CBFB: variants seen among roughly 807,000 people sequenced by gnomAD.
CBFB encodes the protein core-binding factor subunit beta.
CBFB carries 9 observed loss-of-function variants against 30.4 expected under a neutral mutation model. That is an observed-to-expected ratio of 0.30 (90% CI 0.18 to 0.52). The LOEUF (loss-of-function observed/expected upper bound fraction) is 0.52, where lower values mean the gene tolerates loss of function less well. Ranked by LOEUF, CBFB falls within the 20% of genes least tolerant of loss-of-function variation. The pLI, the probability that CBFB is intolerant of heterozygous loss-of-function variation, is 0.97. For synonymous variants in CBFB, 94 were observed against 84.0 expected, an observed-to-expected ratio of 1.12 and a Z score of -0.65; for missense variants, 170 against 244.0, an observed-to-expected ratio of 0.70 and a Z score of 2.02.
intron 5 of CBFB, among the ~76,000 whole-genome samples, chr16:67,089,759 T>G (rs1961831690): frequency 6.6e-6 from 1 of 152,130 alleles, no homozygotes; most frequent in Non-Finnish European, 1.5e-5. Flanking sequence ...GCACAAGGTT[T>G]TGCATCCCGG....
In CBFB at chr16:67,034,937, A is replaced by G. The variant is rs549278161; in HGVS notation, c.166-1702A>G. Among the ~76,000 whole-genome samples the G allele has an allele frequency of 3.3e-4, 50 of 152,272 alleles. 1 individual carries two copies. In the South Asian group the frequency reaches 9.1e-3, roughly 28 times the overall value. On this transcript the variant is annotated intron_variant, in intron 2 of 5. Transcript: ENST00000412916. The stretch of plus-strand genomic sequence containing the variant: ...TACTTGGTACTGTTTTAAGCACTTT[A>G]CAAATAATTGATTTGTGAGAAAACT...
chr16:67,042,482 G>A (rs1966548420), intron 3 of CBFB, among the ~76,000 whole-genome samples: 1 of 152,136 alleles, frequency 6.6e-6, no homozygotes, highest in Admixed American at 6.5e-5. Flanking sequence ...CCATGTAGAT[G>A]CTACCACAGT....
chr16:67,055,646 A>G (rs1960701075), intron 3 of CBFB, among the ~76,000 whole-genome samples: 1 of 151,272 alleles, frequency 6.6e-6, no homozygotes, highest in South Asian at 2.1e-4. Flanking sequence ...GTGAGCCACC[A>G]CACCCGGCCT....
At chr16:67,043,303 C>A (rs1966563532) in intron 3 of CBFB, among the ~76,000 whole-genome samples, 1 of 152,058 alleles carries the variant, frequency 6.6e-6, no homozygotes. Context: ...ACAAAAAGCT[C>A]TATATTCTCT....
chr16:67,074,246 G>T (rs1183885038), intron 4 of CBFB, among the ~76,000 whole-genome samples: 1 of 147,366 alleles, frequency 6.8e-6, no homozygotes, highest in Non-Finnish European at 1.5e-5. Flanking sequence ...AGGGTGGGGG[G>T]CAGGGGGTAG....
intron 3 of CBFB, among the ~76,000 whole-genome samples, chr16:67,037,645 A>G (rs931943868): frequency 6.6e-6 from 1 of 151,106 alleles, no homozygotes; most frequent in Non-Finnish European, 1.5e-5. Flanking sequence ...GGTCTACGTT[A>G]AATGTATTAT....
At chr16:67,041,728 A>G (rs1966533137) in intron 3 of CBFB, among the ~76,000 whole-genome samples, 1 of 144,038 alleles carries the variant, frequency 6.9e-6, no homozygotes, top group African/African-American at 2.6e-5. Flanking sequence ...AGCGCATGTG[A>G]GGTTGTGGTG....
chr16:67,092,458 C>T (rs1444074824), intron 5 of CBFB, among the ~76,000 whole-genome samples: 3 of 152,022 alleles, frequency 2.0e-5, no homozygotes, highest in Non-Finnish European at 4.4e-5. Flanking sequence ...AGGTCTGATT[C>T]TGTGTTCTGA....
chr16:67,073,758 G>A (rs545155338), intron 4 of CBFB, among the ~76,000 whole-genome samples: 21 of 148,742 alleles, frequency 1.4e-4, no homozygotes, highest in Middle Eastern at 7.9e-3. Flanking sequence ...ACACGAGGCC[G>A]GGCGCAGTGG....
intron 5 of CBFB, among the ~76,000 whole-genome samples, chr16:67,094,823 G>A (rs1186834433): frequency 6.6e-6 from 1 of 152,172 alleles, no homozygotes; most frequent in Non-Finnish European, 1.5e-5. Flanking sequence ...TTGTGACTGT[G>A]TACTATAACC....
At chr16:67,061,903 G>A (rs1162090172) in intron 3 of CBFB, among the ~76,000 whole-genome samples, 2 of 151,820 alleles carry the variant, frequency 1.3e-5, no homozygotes, top group Non-Finnish European at 2.9e-5. Context: ...GTGGTGGTAG[G>A]TGCCTGTACT....
chr16:67,048,385 G>GGGGA (rs1453922021), intron 3 of CBFB, among the ~76,000 whole-genome samples: 1 of 152,212 alleles, frequency 6.6e-6, no homozygotes, highest in Admixed American at 6.5e-5. Flanking sequence ...CAGTTGACCA[G>GGGGA]GGGAGAGAAT....
At chr16:67,089,447 CATT>C (rs561346767) in intron 5 of CBFB, among the ~76,000 whole-genome samples, 69 of 152,108 alleles carry the variant, frequency 4.5e-4, no homozygotes, top group Non-Finnish European at 7.9e-4. Flanking sequence ...AATTTTGTAT[CATT>C]AATTATTTAG....
chr16:67,039,896 C>T (rs573916671), intron 3 of CBFB, among the ~76,000 whole-genome samples: 18 of 152,140 alleles, frequency 1.2e-4, no homozygotes, highest in Non-Finnish European at 1.6e-4. Flanking sequence ...AAATCAGTAT[C>T]TTTCCCTCAG....
At chr16:67,029,530 A>C in intron 1 of CBFB, 45 bp downstream of exon 1, 1 of 1,543,456 alleles carries the variant, frequency 6.5e-7, no homozygotes. Context: ...GCGCGCCCCG[A>C]GTGGGCCCGG....
In CBFB at chr16:67,101,049, G is replaced by T. The variant is rs550536416; in HGVS notation, c.*2271G>T. On this transcript the variant is annotated 3_prime_UTR_variant, in exon 6 of 6. Transcript: ENST00000412916. ...ATTTACTTTCACAATAAACTTCTGTGTAGTAAAAACAGGGTCTTGGCTCTT... is the reference window on the plus strand; with the variant it reads ...ATTTACTTTCACAATAAACTTCTGTTTAGTAAAAACAGGGTCTTGGCTCTT... 5.7e-4 allele frequency: 102 copies of T among 179,466 alleles called. No homozygotes were observed. The highest frequency in any genetic ancestry group is 8.3e-4 in the Non-Finnish European group (69 of 83,456). The allele number at this position is 179,466 out of a possible 1,614,324, so 11.1% of individuals were successfully genotyped here. A position where few individuals can be genotyped will look rare whatever the true frequency, so the allele number is the denominator to read the frequency against.
At position 67,099,155 on chromosome 16, in the gene CBFB, C is replaced by A; in HGVS notation, c.*377C>A. 4.0e-6 allele frequency: 1 copy of A among 248,208 alleles called. No homozygotes were observed. The highest frequency in any genetic ancestry group is 7.7e-6 in the Non-Finnish European group (1 of 129,114). 15.4% of individuals were successfully genotyped at this position (248,208 alleles called of 1,614,324 possible). On this transcript the variant is annotated 3_prime_UTR_variant, in exon 6 of 6. Coordinates refer to ENST00000412916, the MANE Select transcript of CBFB (RefSeq NM_022845.3). The stretch of plus-strand genomic sequence containing the variant: ...ATTGTATCAGAGGGTTTTCTCTAAT[C>A]ATTTTTTCTATTTTTTTTTTTGTAC...
intron 3 of CBFB, among the ~76,000 whole-genome samples, chr16:67,046,480 G>A (rs1451254740): frequency 6.6e-6 from 1 of 152,128 alleles, no homozygotes; most frequent in East Asian, 1.9e-4. Flanking sequence ...TTGTAGCACT[G>A]CTATGCCCTA....
chr16:67,040,002 G>GA (rs565767876), intron 3 of CBFB, among the ~76,000 whole-genome samples: 1 of 151,598 alleles, frequency 6.6e-6, no homozygotes, highest in Non-Finnish European at 1.5e-5. Context: ...TTTTCTAGAA[G>GA]AAAAAAAAGC....
Sources: gnomAD v4.1 joint callset for allele counts (sites outside exome capture counted in the v4.1 genomes callset) on GRCh38, gnomAD v4.1.1 for gene constraint, MANE v1.5 for transcripts, NCBI Gene and HGNC (gene_info 2026-07-23, HGNC 2026-07-21) for gene names.